Variants in ITPR1 observed in about 807,000 individuals in gnomAD.
ITPR1 encodes the protein inositol 1,4,5-trisphosphate receptor type 1, also known as inositol 1,4,5-trisphosphate-gated calcium channel ITPR1.
ITPR1 carries 96 observed loss-of-function variants against 318.4 expected under a neutral mutation model. The observed-to-expected ratio is 0.30, with a 90% confidence interval of 0.26 to 0.36. The LOEUF (loss-of-function observed/expected upper bound fraction) is 0.36, where lower values mean the gene tolerates loss of function less well. ITPR1 is among the 10% of genes least tolerant of loss of function. ITPR1 has a pLI of 1.00. For missense variants in ITPR1, 2,440 were observed against 3,460.2 expected, an observed-to-expected ratio of 0.71 and a Z score of 7.40; for synonymous variants, 1,312 against 1,289.9, an observed-to-expected ratio of 1.02 and a Z score of -0.37.
intron 2 of ITPR1, among the ~76,000 whole-genome samples, chr3:4,496,576 T>C (rs1455269966): frequency 6.6e-6 from 1 of 152,206 alleles, no homozygotes; most frequent in African/African-American, 2.4e-5. Flanking sequence ...AGAAGTGGAA[T>C]GGTTGCTTAG....
intron 44 of ITPR1, among the ~76,000 whole-genome samples, chr3:4,751,842 G>A (rs1575121853): frequency 6.6e-6 from 1 of 152,258 alleles, no homozygotes; most frequent in East Asian, 1.9e-4. Flanking sequence ...GACAGTGAAG[G>A]CGCCTCATGT....
intron 20 of ITPR1, among the ~76,000 whole-genome samples, 185 bp from the exon 21 acceptor site, chr3:4,672,951 A>T (rs2094117366): frequency 1.3e-5 from 2 of 152,116 alleles, no homozygotes; most frequent in Non-Finnish European, 2.9e-5. Context: ...CAGCTTGAAT[A>T]GTTCTTTTAT....
rs2045549589 is a variant in ITPR1, at chr3:4,762,855, C to G, written c.5545-3675C>G. ...ATTGCTGGGTACATACCCAAAGGAA[C>G]ATAAATCATTCTATTATAAAGTTAC... is the stretch of plus-strand genomic sequence containing the variant. On this transcript the variant is annotated intron_variant, in intron 44 of 61. Transcript: ENST00000649015. Among the ~76,000 whole-genome samples the G allele has an allele frequency of 3.3e-5, 5 of 152,318 alleles. No homozygotes were observed. In the South Asian group the frequency reaches 1.0e-3, roughly 32 times the overall value.
intron 44 of ITPR1, among the ~76,000 whole-genome samples, chr3:4,761,971 C>T (rs949753781): frequency 2.0e-5 from 3 of 152,164 alleles, no homozygotes; most frequent in African/African-American, 7.2e-5. Flanking sequence ...TGAATGCCTC[C>T]AGCAGCCACA....
At chr3:4,747,756 G>A (rs1236997158) in intron 44 of ITPR1, among the ~76,000 whole-genome samples, 2 of 152,212 alleles carry the variant, frequency 1.3e-5, no homozygotes. Context: ...GAAAGTTAAT[G>A]ACAGGAAGAC....
chr3:4,762,025 C>T (rs1221888234), intron 44 of ITPR1, among the ~76,000 whole-genome samples: 4 of 151,390 alleles, frequency 2.6e-5, no homozygotes, highest in Non-Finnish European at 5.9e-5. Flanking sequence ...CTCTGCCTCC[C>T]TTCGCTCCAA....
chr3:4,782,505 G>A, intron 49 of ITPR1, 114 bp from the exon 50 acceptor site: 1 of 1,099,984 alleles, frequency 9.1e-7, no homozygotes, highest in East Asian at 2.6e-5. Context: ...ATAGGAGAGA[G>A]TGCGGAACAG....
intron 4 of ITPR1, among the ~76,000 whole-genome samples, chr3:4,551,081 A>G (rs560419410): frequency 6.6e-6 from 1 of 152,282 alleles, no homozygotes; most frequent in Admixed American, 6.5e-5. Flanking sequence ...ATGTGTATGT[A>G]TTTGAGGGGA....
intron 4 of ITPR1, among the ~76,000 whole-genome samples, chr3:4,564,569 T>G (rs2087023901): frequency 6.6e-6 from 1 of 152,112 alleles, no homozygotes; most frequent in South Asian, 2.1e-4. Context: ...ACCAAGGTAG[T>G]GTTAGGAGCT....
At chr3:4,688,436 A>G in intron 30 of ITPR1, 59 bp from the exon 31 acceptor site, 2 of 1,603,736 alleles carry the variant, frequency 1.2e-6, no homozygotes, top group Non-Finnish European at 1.7e-6. Context: ...TGTTGGGTAT[A>G]GGAGAAGCTG....
intron 44 of ITPR1, among the ~76,000 whole-genome samples, chr3:4,744,463 G>C (rs924029280): frequency 6.6e-6 from 1 of 152,152 alleles, no homozygotes; most frequent in African/African-American, 2.4e-5. Flanking sequence ...GGTAGCCCAC[G>C]GGAAAAATCC....
chr3:4,766,052 T>A (rs1326302805), intron 44 of ITPR1, among the ~76,000 whole-genome samples: 1 of 152,250 alleles, frequency 6.6e-6, no homozygotes, highest in African/African-American at 2.4e-5. Flanking sequence ...TTTATGGACA[T>A]GTCATCCTAA....
At chr3:4,576,085 G>A (rs887720357) in intron 4 of ITPR1, among the ~76,000 whole-genome samples, 20 of 151,832 alleles carry the variant, frequency 1.3e-4, no homozygotes, top group African/African-American at 3.6e-4. Flanking sequence ...GCACAAAGTC[G>A]TTTTATTGTT....
chr3:4,830,815 C>A, intron 60 of ITPR1: 1 of 397,996 alleles, frequency 2.5e-6, no homozygotes, highest in Non-Finnish European at 5.0e-6. Flanking sequence ...TTTTCTAGGA[C>A]CCATCTTCTC....
chr3:4,694,706 G>A (rs2094531250), intron 33 of ITPR1, among the ~76,000 whole-genome samples: 1 of 152,186 alleles, frequency 6.6e-6, no homozygotes, highest in African/African-American at 2.4e-5. Context: ...TGTAAACATG[G>A]AAAAGGTCCA....
intron 36 of ITPR1, among the ~76,000 whole-genome samples, chr3:4,705,593 C>T (rs1347852574): frequency 6.6e-6 from 1 of 152,204 alleles, no homozygotes; most frequent in Admixed American, 6.5e-5. Context: ...AAGTACTAGT[C>T]AGGAGTCCTG....
At chr3:4,717,435 A>T (rs781666122) in intron 40 of ITPR1, 36 bp downstream of exon 40, 1 of 1,541,108 alleles carries the variant, frequency 6.5e-7, no homozygotes, top group Non-Finnish European at 8.9e-7. Context: ...TTCATGTCTC[A>T]TGGTGGTGTT....
Position 4,779,653 on chromosome 3 carries a change from G to A in ITPR1, c.6387+8G>A, listed in dbSNP as rs760073154. 1.4e-5 allele frequency: 23 copies of A among 1,587,492 alleles called. No homozygotes were observed. The highest frequency in any genetic ancestry group is 1.7e-4 in the Middle Eastern group (1 of 6,026). On this transcript the variant is annotated splice_region_variant and intron_variant, in intron 49 of 61. Transcript: ENST00000649015. This position sits in a 1 kb window ranked among gnomAD's most constrained non-coding sequence, Gnocchi z 4.0. ...ATGAGGCCCAAGGAACTGGTGAGTC[G>A]GGTGACGGATCTGATGGTAGCACCA...
rs149479654 is a variant in ITPR1 at position 4,583,790 on chromosome 3, G to A, written c.164-43973G>A. 3.9e-3 allele frequency among the ~76,000 whole-genome samples: 587 copies of A among 152,238 alleles called. 1 individual carries two copies. The highest frequency in any genetic ancestry group is 6.6e-3 in the Non-Finnish European group (446 of 68,014). On this transcript the variant is annotated intron_variant, in intron 4 of 61. Coordinates refer to ENST00000649015, the MANE Select transcript of ITPR1 (RefSeq NM_001378452.1). ...CTCTGGGGTATCTGATTTGAACTGG[G>A]GCAGTTGCAGGATGGGGGTACCCTG...
Sources: allele counts gnomAD v4.1 joint callset (sites outside exome capture counted in the v4.1 genomes callset), GRCh38; gene constraint gnomAD v4.1.1; non-coding constraint Gnocchi (gnomAD v3.1); transcripts MANE v1.5; gene names NCBI Gene and HGNC (gene_info 2026-07-23, HGNC 2026-07-21).